The following MBTPS1 variants were observed in gnomAD, a reference collection of about 807,000 sequenced individuals.
MBTPS1 encodes the protein membrane bound transcription factor peptidase, site 1.
A neutral mutation model predicts 127.8 loss-of-function variants in MBTPS1; 94 were observed. The observed-to-expected ratio is 0.74, with a 90% CI of 0.62 to 0.87. MBTPS1 has a LOEUF of 0.87. Ranked by LOEUF, MBTPS1 falls within the 40% of genes least tolerant of loss-of-function variation. MBTPS1 has a pLI of 0.00. For synonymous variants in MBTPS1, 632 were observed against 509.4 expected, an observed-to-expected ratio of 1.24 and a Z score of -3.24; for missense variants, 1,636 against 1,353.2, an observed-to-expected ratio of 1.21 and a Z score of -3.28.
At chr16:84,073,864 G>C (rs1232885049) in intron 12 of MBTPS1, among the ~76,000 whole-genome samples, 1 of 152,106 alleles carries the variant, frequency 6.6e-6, no homozygotes, top group Non-Finnish European at 1.5e-5. Flanking sequence ...AAATTAGCCA[G>C]ACGTGGTGGC....
intron 13 of MBTPS1, 54 bp from the exon 14 acceptor site, chr16:84,070,092 T>C (rs2085748876): frequency 6.9e-7 from 1 of 1,455,786 alleles, no homozygotes; most frequent in Non-Finnish European, 9.2e-7. Context: ...AAAGAAACTT[T>C]CAGGTTTGAA....
In MBTPS1 at chr16:84,099,023, G is replaced by GAC. The variant is rs3082454; in HGVS notation, c.421+29_421+30insGT. On this transcript the variant is annotated intron_variant, in intron 3 of 22. Transcript: ENST00000343411. ...TGAGATTTTCAAAGTAAACAGCAGA[G>GAC]AGAAATTTGCCTACAGTCACAATAC... 1,481,177 of 1,606,410 alleles carry GAC rather than the reference G, an allele frequency of 0.92. 683,752 individuals carry two copies. The highest frequency in any genetic ancestry group is 0.99 in the African/African-American group (73,855 of 74,746).
At chr16:84,067,968 G>A (rs987811298) in intron 15 of MBTPS1, 145 bp from the exon 16 acceptor site, 3 of 691,116 alleles carry the variant, frequency 4.3e-6, no homozygotes, top group Non-Finnish European at 4.8e-6. Flanking sequence ...CTTTAAAAGG[G>A]ACTAAAAAGT....
intron 9 of MBTPS1, 24 bp from the exon 10 acceptor site, chr16:84,085,158 G>A (rs1597330826): frequency 6.2e-7 from 1 of 1,612,320 alleles, no homozygotes; most frequent in Non-Finnish European, 8.5e-7. Flanking sequence ...CAGCTTGGTT[G>A]CTACATCTCG....
At chr16:84,104,125 G>T (rs967447353) in intron 1 of MBTPS1, among the ~76,000 whole-genome samples, 5 of 152,244 alleles carry the variant, frequency 3.3e-5, no homozygotes, top group Admixed American at 3.3e-4. Flanking sequence ...AAGACTACTG[G>T]CCGAAGAAGA....
intron 1 of MBTPS1, among the ~76,000 whole-genome samples, chr16:84,102,636 C>T (rs1488814562): frequency 6.6e-6 from 1 of 152,170 alleles, no homozygotes; most frequent in Non-Finnish European, 1.5e-5. Flanking sequence ...CTATCATTTG[C>T]AACTCAATCC....
At chr16:84,100,651 T>C (rs2086241424) in intron 2 of MBTPS1, among the ~76,000 whole-genome samples, 3 of 151,828 alleles carry the variant, frequency 2.0e-5, no homozygotes, top group Admixed American at 2.0e-4. Flanking sequence ...CACTTGTGCC[T>C]GGGAGGCCAA....
At chr16:84,082,181 C>A (rs1178691014) in intron 10 of MBTPS1, 1 of 233,892 alleles carries the variant, frequency 4.3e-6, no homozygotes, top group Non-Finnish European at 8.2e-6. Flanking sequence ...TAAACAACCA[C>A]ATAGGCTGCA....
chr16:84,109,835 G>A (rs1006612869), intron 1 of MBTPS1, among the ~76,000 whole-genome samples: 2 of 152,202 alleles, frequency 1.3e-5, no homozygotes, highest in African/African-American at 4.8e-5. Flanking sequence ...TGGTAGTGAT[G>A]TATCAAGACT....
chr16:84,059,478 A>C, intron 20 of MBTPS1, 50 bp from the exon 21 acceptor site: 2 of 1,578,138 alleles, frequency 1.3e-6, no homozygotes, highest in African/African-American at 1.3e-5. Flanking sequence ...TCTATTACTA[A>C]AATGCAAAGG....
chr16:84,066,041 A>AT (rs1248783808), intron 17 of MBTPS1, among the ~76,000 whole-genome samples: 1 of 152,220 alleles, frequency 6.6e-6, no homozygotes, highest in African/African-American at 2.4e-5. Context: ...AATAGATGTT[A>AT]TAACTCAGAG....
rs548835681 is a variant in MBTPS1 at position 84,060,575 on chromosome 16, G to A, written c.2704+107C>T. 388 of 1,301,586 alleles carry A rather than the reference G, an allele frequency of 3.0e-4. 2 individuals carry two copies. Among genetic ancestry groups the A allele is most frequent in the Admixed American group, 5.1e-4 (26 of 50,598 alleles). The allele number at this position is 1,301,586 out of a possible 1,614,324, so 80.6% of individuals were successfully genotyped here. A position where few individuals can be genotyped will look rare whatever the true frequency, so the allele number is the denominator to read the frequency against. On this transcript the variant is annotated intron_variant, in intron 20 of 22. Transcript: ENST00000343411. ...GCCATTACGAAAACCACTCAGCGGC[G>A]CACACAAACTGGCCCCACTTGCTGG...
At chr16:84,085,264 T>C (rs972640622) in intron 9 of MBTPS1, 130 bp from the exon 10 acceptor site, 2 of 939,210 alleles carry the variant, frequency 2.1e-6, no homozygotes, top group African/African-American at 3.3e-5. Flanking sequence ...AAGGTACTGG[T>C]TTTAGTCTGA....
chr16:84,061,037 CA>C lies in MBTPS1; in HGVS notation c.2573-225del, dbSNP rs2085603836. 8.4e-6 allele frequency: 3 copies of C among 356,690 alleles called. No individual in the cohort carries two copies. In the South Asian group the frequency reaches 1.1e-4, roughly 13 times the overall value. The allele number at this position is 356,690 out of a possible 1,614,324, so 22.1% of individuals were successfully genotyped here. On this transcript the variant is annotated intron_variant, in intron 19 of 22. Transcript: ENST00000343411. Reference sequence around the variant, plus strand: ...TTGCAGAAATGGGTCTGGCTGGTCTCAAACTCCTGGGCTCAAGTGATCTTCT... The same window carrying C: ...TTGCAGAAATGGGTCTGGCTGGTCTCAACTCCTGGGCTCAAGTGATCTTCT...
chr16:84,068,518 G>T (rs2085724133), intron 14 of MBTPS1, 64 bp from the exon 15 acceptor site: 6 of 1,190,268 alleles, frequency 5.0e-6, no homozygotes, highest in Non-Finnish European at 7.5e-6. Context: ...GGCATATCTG[G>T]CCACAGGGCC....
At chr16:84,068,290 T>A in intron 15 of MBTPS1, 49 bp downstream of exon 15, 1 of 1,245,494 alleles carries the variant, frequency 8.0e-7, no homozygotes. Flanking sequence ...TTAACAAACA[T>A]CCAAAGTGGG....
At chr16:84,085,202 G>C (rs2086002954) in intron 9 of MBTPS1, 68 bp from the exon 10 acceptor site, 1 of 1,475,638 alleles carries the variant, frequency 6.8e-7, no homozygotes, top group African/African-American at 1.4e-5. Context: ...AATCATGAGT[G>C]AATCAAATCA....
chr16:84,103,114 A>G (rs1299144141), intron 1 of MBTPS1, among the ~76,000 whole-genome samples: 2 of 152,214 alleles, frequency 1.3e-5, no homozygotes, highest in Admixed American at 1.3e-4. Flanking sequence ...AGCGATAGTA[A>G]AGAACAATGC....
chr16:84,070,108 C>A, intron 13 of MBTPS1, 70 bp from the exon 14 acceptor site: 6 of 1,286,550 alleles, frequency 4.7e-6, no homozygotes, highest in Non-Finnish European at 4.3e-6. Context: ...TTGAAAACAT[C>A]ATTTCTATTT....
Sources: gnomAD v4.1 joint callset for allele counts (sites outside exome capture counted in the v4.1 genomes callset) on GRCh38, gnomAD v4.1.1 for gene constraint, MANE v1.5 for transcripts, NCBI Gene and HGNC (gene_info 2026-07-23, HGNC 2026-07-21) for gene names.